Variants in ZSCAN22 observed in about 807,000 individuals in gnomAD.
ZSCAN22 encodes zinc finger and SCAN domain containing 22, also known as zinc finger and SCAN domain-containing protein 22.
A neutral mutation model predicts 12.4 loss-of-function variants in ZSCAN22; 7 were observed. That is an observed-to-expected ratio of 0.57 (90% confidence interval 0.32 to 1.06). The LOEUF is 1.06. Ranked by LOEUF, ZSCAN22 falls within the 50% of genes least tolerant of loss-of-function variation. The pLI is 0.04. For synonymous variants in ZSCAN22, 243 were observed against 255.9 expected (o/e 0.95, Z 0.48); for missense variants, 576 against 631.7 (o/e 0.91, Z 0.94).
rs568354675 is a variant in ZSCAN22 at position 58,338,784 on chromosome 19, G to A, written c.934G>A (p.Ala312Thr). The A allele has an allele frequency of 7.2e-5, 116 of 1,613,154 alleles. No individual in the cohort carries two copies. The highest frequency in any genetic ancestry group is 1.9e-4 in the African/African-American group (14 of 74,634). ...AGCCTTCAGCCGGAGCACTCACCTC[G>A]CCCAGCACCAGGTTGTCCACACAGG... ...GKAFSRSTHL[A>T]QHQVVHTGAK... Residue 312 changes from alanine (A) to threonine (T), a missense_variant, in exon 3 of 3, where the codon GCC (alanine) becomes ACC (threonine). By Grantham distance (58) the Ala-to-Thr change is moderately conservative. Transcript: ENST00000329665. This position sits in a 1 kb window ranked among gnomAD's most constrained non-coding sequence, Gnocchi z 5.4.
intron 1 of ZSCAN22, among the ~76,000 whole-genome samples, chr19:58,332,816 C>T (rs532799831): frequency 9.2e-5 from 14 of 152,200 alleles, no homozygotes; most frequent in African/African-American, 2.4e-4. Context: ...TGGGTCTATA[C>T]GTAGGAGTAG....
rs138721519 is a variant in ZSCAN22 at position 58,339,084 on chromosome 19, G to A, written c.1234G>A (p.Ala412Thr). The A allele has an allele frequency of 2.7e-5, 43 of 1,614,142 alleles. No individual in the cohort carries two copies. Among genetic ancestry groups the A allele is most frequent in the African/African-American group, 1.2e-4 (9 of 74,956 alleles). ...HTGEKPYKCD[A>T]CGRAFSDCSA... is the part of the protein sequence containing the mutation. The stretch of plus-strand genomic sequence containing the variant: ...CGGGGAGAAGCCCTACAAGTGTGAC[G>A]CGTGTGGCCGAGCCTTCAGCGACTG... The change falls in exon 3 of 3, where the codon GCG becomes ACG. Residue 412 changes from alanine (A) to threonine (T), a missense_variant. Coordinates refer to ENST00000329665, the MANE Select transcript of ZSCAN22 (RefSeq NM_181846.3). The surrounding 1 kb of genome is among the most constrained non-coding windows in gnomAD (Gnocchi z 5.6).
Position 58,338,257 on chromosome 19 carries a change from G to A in ZSCAN22, c.407G>A (p.Trp136Ter), listed in dbSNP as rs756802097. 3.8e-5 allele frequency: 61 copies of A among 1,596,988 alleles called. No individual in the cohort carries two copies. The highest frequency in any genetic ancestry group is 5.1e-5 in the Non-Finnish European group (60 of 1,167,958). Residue 136 changes from tryptophan to a stop codon, truncating the protein, a stop_gained, in exon 3 of 3, where the codon TGG (tryptophan) becomes TAG (stop). Transcript: ENST00000329665. LOFTEE classifies it low-confidence loss of function (END_TRUNC). The surrounding 1 kb of genome is among the most constrained non-coding windows in gnomAD (Gnocchi z 5.4). The part of the protein sequence containing the change: ...DLTQVLDKRG[W>*]DPGAEPTEAS... Reference sequence around the variant, plus strand: ...AGTGTGGTTCGGACTGTTTCAGGATGGGATCCAGGAGCCGAGCCCACAGAG... The same window carrying A: ...AGTGTGGTTCGGACTGTTTCAGGATAGGATCCAGGAGCCGAGCCCACAGAG...
chr19:58,341,847 G>C lies in ZSCAN22; in HGVS notation c.*2521G>C, dbSNP rs373656136. On this transcript the variant is annotated 3_prime_UTR_variant, in exon 3 of 3. Coordinates refer to ENST00000329665, the MANE Select transcript of ZSCAN22 (RefSeq NM_181846.3). ...CCCTGTGGCTACTTTTGGGACCTAA[G>C]ATAAGTGACTTTCCTGAACCTCCAT... 2.6e-5 allele frequency: 4 copies of C among 152,344 alleles called. No individual in the cohort carries two copies. Among genetic ancestry groups the C allele is most frequent in the African/African-American group, 9.6e-5 (4 of 41,566 alleles). The allele number at this position is 152,344 out of a possible 1,614,324, so 9.4% of individuals were successfully genotyped here. A position where few individuals can be genotyped will look rare whatever the true frequency, so the allele number is the denominator to read the frequency against.
rs567217746 is a variant in ZSCAN22 at position 58,342,320 on chromosome 19, T to C, written c.*2994T>C. The C allele has an allele frequency of 6.6e-6, 1 of 152,340 alleles. No homozygotes were observed. Among genetic ancestry groups the C allele is most frequent in the East Asian group, 1.9e-4 (1 of 5,182 alleles). 9.4% of individuals were successfully genotyped at this position (152,340 alleles called of 1,614,324 possible). Reference sequence around the variant, plus strand: ...TGTCAGCAATTTCAATAAACATGACTGTACTCAACAAACCAAGTGTAAAGA... The same window carrying C: ...TGTCAGCAATTTCAATAAACATGACCGTACTCAACAAACCAAGTGTAAAGA... On this transcript the variant is annotated 3_prime_UTR_variant, in exon 3 of 3. Transcript: ENST00000329665.
At position 58,340,932 on chromosome 19, in the gene ZSCAN22, C is replaced by T. The variant is rs1403009211; in HGVS notation, c.*1606C>T. The T allele has an allele frequency of 6.6e-6, 1 of 152,128 alleles. No homozygotes were observed. Among genetic ancestry groups the T allele is most frequent in the Non-Finnish European group, 1.5e-5 (1 of 68,026 alleles). The allele number at this position is 152,128 out of a possible 1,614,324, so 9.4% of individuals were successfully genotyped here. A position where few individuals can be genotyped will look rare whatever the true frequency, so the allele number is the denominator to read the frequency against. On this transcript the variant is annotated 3_prime_UTR_variant, in exon 3 of 3. Coordinates refer to ENST00000329665, the MANE Select transcript of ZSCAN22 (RefSeq NM_181846.3). The stretch of plus-strand genomic sequence containing the variant: ...GCCACCTTGTTTTACTTATTTGCTC[C>T]TTGTAGAGCTGCCTTTTCCAAGGAT...
rs1555778673 is a variant in ZSCAN22 at position 58,340,480 on chromosome 19, C to CTTTTCTT, written c.*1158_*1159insCTTTTTT. The CTTTTCTT allele has an allele frequency of 0.076, 10,828 of 141,942 alleles. 673 individuals are homozygous for CTTTTCTT. Among genetic ancestry groups the CTTTTCTT allele is most frequent in the African/African-American group, 0.15 (5,407 of 36,558 alleles). 8.8% of individuals were successfully genotyped at this position (141,942 alleles called of 1,614,324 possible). ...CTTCTTTTTCTTTTTCTTTTCTTTT[C>CTTTTCTT]TTTTTTTTTTTTTGAGATGGAGTCT... On this transcript the variant is annotated 3_prime_UTR_variant, in exon 3 of 3. Transcript: ENST00000329665.
rs2051776452 is a variant in ZSCAN22, at chr19:58,334,978, A to C, written c.176A>C (p.Glu59Ala). 1 of 1,614,092 alleles carries C rather than the reference A, an allele frequency of 6.2e-7. No individual in the cohort carries two copies. Among genetic ancestry groups the C allele is most frequent in the Admixed American group, 1.7e-5 (1 of 60,036 alleles). Residue 59 changes from glutamate (E) to alanine (A), a missense_variant, in exon 2 of 3, where the codon GAG becomes GCG. Transcript: ENST00000329665. ...RLRFRHFRYE[E>A]ASGPHEALAH... ...CGCTTCCGGCACTTCCGCTATGAGG[A>C]GGCATCTGGTCCACACGAGGCCCTG...
intron 1 of ZSCAN22, among the ~76,000 whole-genome samples, chr19:58,332,603 G>C (rs1314881832): frequency 6.6e-6 from 1 of 152,052 alleles, no homozygotes; most frequent in Non-Finnish European, 1.5e-5. Flanking sequence ...TTAGCATCAT[G>C]TTTTCAAGGT....
chr19:58,327,549 G>C (rs1240627099), intron 1 of ZSCAN22, among the ~76,000 whole-genome samples: 1 of 152,152 alleles, frequency 6.6e-6, no homozygotes, highest in Non-Finnish European at 1.5e-5. Context: ...GAGGGTGTGG[G>C]GCGGACCCGT....
intron 1 of ZSCAN22, among the ~76,000 whole-genome samples, chr19:58,330,155 T>C (rs1263704785): frequency 6.6e-6 from 1 of 150,988 alleles, no homozygotes; most frequent in Non-Finnish European, 1.5e-5. Context: ...CTGGGTGTGG[T>C]GGTGGGTGCC....
In ZSCAN22 at chr19:58,335,328, T is replaced by A; in HGVS notation, c.403+123T>A. 7.9e-7 allele frequency: 1 copy of A among 1,268,834 alleles called. No homozygotes were observed. The highest frequency in any genetic ancestry group is 1.5e-5 in the African/African-American group (1 of 66,436). The allele number at this position is 1,268,834 out of a possible 1,614,324, so 78.6% of individuals were successfully genotyped here. On this transcript the variant is annotated intron_variant, in intron 2 of 2. Transcript: ENST00000329665. This position sits in a 1 kb window ranked among gnomAD's most constrained non-coding sequence, Gnocchi z 4.1. The stretch of plus-strand genomic sequence containing the variant: ...CCATTCTCACATTTGTACTTTACCG[T>A]AACTCTCACACACTGTTGTAGACAG...
intron 1 of ZSCAN22, among the ~76,000 whole-genome samples, chr19:58,333,958 T>C (rs986530228): frequency 1.2e-4 from 18 of 152,266 alleles, no homozygotes; most frequent in Non-Finnish European, 2.9e-5. Flanking sequence ...AAACTTGTGA[T>C]GTATAGCTAA....
At position 58,339,940 on chromosome 19, in the gene ZSCAN22, C is replaced by T. The variant is rs1299202238; in HGVS notation, c.*614C>T. The T allele has an allele frequency of 1.3e-5, 2 of 153,118 alleles. No individual in the cohort carries two copies. Among genetic ancestry groups the T allele is most frequent in the Non-Finnish European group, 2.9e-5 (2 of 68,406 alleles). 9.5% of individuals were successfully genotyped at this position (153,118 alleles called of 1,614,324 possible). A position where few individuals can be genotyped will look rare whatever the true frequency, so the allele number is the denominator to read the frequency against. ...CTGCTTGACACCTGCCCAGCATGTT[C>T]CTGTCTCTCCTTTTCCTTCCACATC... On this transcript the variant is annotated 3_prime_UTR_variant, in exon 3 of 3. Coordinates refer to ENST00000329665, the MANE Select transcript of ZSCAN22 (RefSeq NM_181846.3). This position sits in a 1 kb window ranked among gnomAD's most constrained non-coding sequence, Gnocchi z 5.6.
Position 58,338,160 on chromosome 19 carries a change from C to A in ZSCAN22, c.404-94C>A. 8.4e-7 allele frequency: 1 copy of A among 1,188,768 alleles called. No individual in the cohort carries two copies. 73.6% of individuals were successfully genotyped at this position (1,188,768 alleles called of 1,614,324 possible). On this transcript the variant is annotated intron_variant, in intron 2 of 2. Coordinates refer to ENST00000329665, the MANE Select transcript of ZSCAN22 (RefSeq NM_181846.3). The surrounding 1 kb of genome is among the most constrained non-coding windows in gnomAD (Gnocchi z 5.4). The stretch of plus-strand genomic sequence containing the variant: ...GGGGCCAGATGTTAGGAACGGGCCA[C>A]ATCTCCCCTTACAAAGTGTGACCGG...
At position 58,335,196 on chromosome 19, in the gene ZSCAN22, G is replaced by A; in HGVS notation, c.394G>A (p.Asp132Asn). ...GGTGGAGGATCTGACTCAGGTGCTGGACAAGAGAGGTAAAGGGGCGCCGTG... is the reference window on the plus strand; with the variant it reads ...GGTGGAGGATCTGACTCAGGTGCTGAACAAGAGAGGTAAAGGGGCGCCGTG... ...VLVEDLTQVL[D>N]KRGWDPGAEP... Residue 132 changes from aspartate to asparagine, a missense_variant, in exon 2 of 3, where the codon GAC (aspartate) becomes AAC (asparagine). Asp to Asn is a conservative substitution (Grantham distance 23). Transcript: ENST00000329665. This position sits in a 1 kb window ranked among gnomAD's most constrained non-coding sequence, Gnocchi z 4.1. 1 of 1,596,322 alleles carries A rather than the reference G, an allele frequency of 6.3e-7. No individual in the cohort carries two copies. Among genetic ancestry groups the A allele is most frequent in the African/African-American group, 1.3e-5 (1 of 74,610 alleles).
Position 58,338,864 on chromosome 19 carries a change from C to T in ZSCAN22, c.1014C>T (p.His338=). The T allele has an allele frequency of 6.2e-7, 1 of 1,614,054 alleles. No homozygotes were observed. Among genetic ancestry groups the T allele is most frequent in the Non-Finnish European group, 8.5e-7 (1 of 1,179,918 alleles). ...GGAAGGCCTTCAGCCGAGTCACCCACCTGACTCAGCACCAAAGGATTCATA... is the reference window on the plus strand; with the variant it reads ...GGAAGGCCTTCAGCCGAGTCACCCATCTGACTCAGCACCAAAGGATTCATA... ...ECGKAFSRVT[H]LTQHQRIHTG... is the part of the protein sequence containing the mutation. Residue 338 remains histidine, a synonymous_variant, in exon 3 of 3, where the codon CAC becomes CAT. Transcript: ENST00000329665. The surrounding 1 kb of genome is among the most constrained non-coding windows in gnomAD (Gnocchi z 5.4).
At chr19:58,331,805 A>G (rs931551927) in intron 1 of ZSCAN22, among the ~76,000 whole-genome samples, 6 of 152,080 alleles carry the variant, frequency 3.9e-5, no homozygotes, top group African/African-American at 1.4e-4. Flanking sequence ...TTGGCCTCCC[A>G]AAGTGTTGGG....
At chr19:58,330,883 C>A (rs181966144) in intron 1 of ZSCAN22, among the ~76,000 whole-genome samples, 1 of 152,222 alleles carries the variant, frequency 6.6e-6, no homozygotes, top group African/African-American at 2.4e-5. Context: ...ATGCCTTCCC[C>A]GTATTTGCAT....
Sources: gnomAD v4.1 joint callset for allele counts (sites outside exome capture counted in the v4.1 genomes callset) on GRCh38, gnomAD v4.1.1 for gene constraint, Gnocchi (gnomAD v3.1) non-coding constraint, MANE v1.5 for transcripts, NCBI Gene and HGNC (gene_info 2026-07-23, HGNC 2026-07-21) for gene names.